Variants in GTPBP4 observed in about 807,000 individuals in gnomAD.
The protein encoded by GTPBP4 is GTP binding protein 4, also known as GTP-binding protein 4.
In GTPBP4, 15 loss-of-function variants were observed where a neutral mutation model predicts 81.7. The observed-to-expected ratio is 0.18, with a 90% CI of 0.12 to 0.28. The LOEUF (loss-of-function observed/expected upper bound fraction) is 0.28. Ranked by LOEUF, GTPBP4 falls within the 10% of genes least tolerant of loss-of-function variation. The pLI is 1.00. For missense variants in GTPBP4, 847 were observed against 793.8 expected (o/e 1.07, Z -0.81); for synonymous variants, 272 against 274.6 (o/e 0.99, Z 0.09).
intron 6 of GTPBP4, among the ~76,000 whole-genome samples, chr10:1,000,222 T>A (rs1380593422): frequency 6.7e-6 from 1 of 148,478 alleles, no homozygotes; most frequent in East Asian, 2.0e-4. Flanking sequence ...TGGTATTCAG[T>A]TTGGGAGACC....
In GTPBP4 at chr10:1,019,241, G is replaced by T; in HGVS notation, c.*2014G>T. 1 of 351,222 alleles carries T rather than the reference G, an allele frequency of 2.8e-6. No homozygotes were observed. Among genetic ancestry groups the T allele is most frequent in the Non-Finnish European group, 5.3e-6 (1 of 189,662 alleles). 21.8% of individuals were successfully genotyped at this position (351,222 alleles called of 1,614,324 possible). A position where few individuals can be genotyped will look rare whatever the true frequency, so the allele number is the denominator to read the frequency against. ...CTCCCCAAGACTTTCAGGATCAGCT[G>T]CTGTTAATCAAACAAGTGCTTATAA... On this transcript the variant is annotated 3_prime_UTR_variant, in exon 17 of 17. Transcript: ENST00000360803.
At chr10:999,124 T>C in intron 6 of GTPBP4, 29 bp downstream of exon 6, 1 of 1,246,794 alleles carries the variant, frequency 8.0e-7, no homozygotes, top group East Asian at 2.3e-5. Context: ...TTTTTATTCA[T>C]TTATTTATTT....
intron 2 of GTPBP4, among the ~76,000 whole-genome samples, chr10:995,354 A>G (rs1831520241): frequency 6.6e-6 from 1 of 151,972 alleles, no homozygotes; most frequent in South Asian, 2.1e-4. Context: ...GCAGCGTTTC[A>G]AGAGGTCTGT....
rs1454280459 is a variant in GTPBP4 at position 1,019,559 on chromosome 10, G to A, written c.*2332G>A. 6.8e-6 allele frequency: 11 copies of A among 1,613,580 alleles called. No individual in the cohort carries two copies. The highest frequency in any genetic ancestry group is 6.7e-5 in the Admixed American group (4 of 59,962). ...TGTGAAGCTCCACAAACGGGGTCAC[G>A]TCATCCAGGTGAGGCCACCACCGGT... On this transcript the variant is annotated 3_prime_UTR_variant, in exon 17 of 17. Transcript: ENST00000360803.
chr10:1,007,105 A>G lies in GTPBP4; in HGVS notation c.1090A>G (p.Ile364Val), dbSNP rs768858606. ...GGTGCTGAATAGACTGCACCTGGCT[A>G]TCCCAACCAGGAGGGACGATAAGGT... Reference protein sequence around the residue: ...NEVLNRLHLAIPTRRDDKERP... With the variant: ...NEVLNRLHLAVPTRRDDKERP... Residue 364 changes from isoleucine (I) to valine (V), a missense_variant, in exon 10 of 17, where the codon ATC (isoleucine) becomes GTC (valine). Around this residue, in one of 3 missense-constraint regions of GTPBP4, gnomAD observed 600 missense variants for 557.1 expected, o/e 1.08. Transcript: ENST00000360803. The G allele has an allele frequency of 9.4e-6, 15 of 1,602,236 alleles. No homozygotes were observed. Among genetic ancestry groups the G allele is most frequent in the South Asian group, 5.5e-5 (5 of 90,846 alleles).
chr10:988,672 C>A, intron 1 of GTPBP4, 145 bp downstream of exon 1: 1 of 643,740 alleles, frequency 1.6e-6, no homozygotes. Context: ...TGGCCGCGTA[C>A]TCGGGATCAT....
chr10:1,009,480 G>T (rs960167337), intron 11 of GTPBP4, 49 bp from the exon 12 acceptor site: 1 of 1,264,754 alleles, frequency 7.9e-7, no homozygotes, highest in Admixed American at 1.7e-5. Context: ...AGCATTTCTG[G>T]ATCTGAAAGG....
intron 1 of GTPBP4, among the ~76,000 whole-genome samples, chr10:992,150 C>T (rs1831455968): frequency 1.3e-5 from 2 of 151,032 alleles, no homozygotes; most frequent in Non-Finnish European, 3.0e-5. Flanking sequence ...CCTGTAATCC[C>T]AGCACTTTGG....
chr10:1,015,386 G>A (rs1345155550), intron 15 of GTPBP4, among the ~76,000 whole-genome samples: 1 of 137,784 alleles, frequency 7.3e-6, no homozygotes, highest in East Asian at 2.1e-4. Context: ...TGAGCTCTGA[G>A]CCTGGGAGTG....
intron 11 of GTPBP4, 32 bp from the exon 12 acceptor site, chr10:1,009,497 G>T: frequency 1.3e-6 from 2 of 1,498,848 alleles, no homozygotes; most frequent in Non-Finnish European, 1.9e-6. Context: ...AAGGCAAAAT[G>T]AAGCTGATGA....
chr10:1,001,078 C>A, intron 8 of GTPBP4, 65 bp downstream of exon 8: 1 of 1,133,692 alleles, frequency 8.8e-7, no homozygotes, highest in Non-Finnish European at 1.3e-6. Context: ...CTCAGACAAC[C>A]AAAGTTTAGA....
chr10:990,587 G>C (rs972595959), intron 1 of GTPBP4, among the ~76,000 whole-genome samples: 1 of 151,552 alleles, frequency 6.6e-6, no homozygotes, highest in African/African-American at 2.4e-5. Context: ...GCCAGGCGTG[G>C]TGGCGGGCGC....
chr10:1,007,006 T>C lies in GTPBP4; in HGVS notation c.1003-12T>C. ...TGCGTTTGTGACTGTGCCTTCTTTT[T>C]TACGTTATTAGGCTTGCGATAGGCT... is the stretch of plus-strand genomic sequence containing the variant. On this transcript the variant is annotated splice_polypyrimidine_tract_variant and intron_variant, in intron 9 of 16. Coordinates refer to ENST00000360803, the MANE Select transcript of GTPBP4 (RefSeq NM_012341.3). 6.4e-7 allele frequency: 1 copy of C among 1,567,600 alleles called. No homozygotes were observed. The highest frequency in any genetic ancestry group is 8.8e-7 in the Non-Finnish European group (1 of 1,137,598).
chr10:997,591 C>T lies in GTPBP4; in HGVS notation c.561+283C>T, dbSNP rs565512703. ...TACATTTATATTACTATTACAGAAG[C>T]CATTACTTTTTGTTCTTGTGTGTGT... On this transcript the variant is annotated intron_variant, in intron 5 of 16. Transcript: ENST00000360803. Among the ~76,000 whole-genome samples, 6 of 152,362 alleles carry T rather than the reference C, an allele frequency of 3.9e-5. No individual in the cohort carries two copies. In the South Asian group the frequency reaches 6.2e-4, roughly 16 times the overall value.
At chr10:994,965 G>A (rs1831512807) in intron 2 of GTPBP4, among the ~76,000 whole-genome samples, 1 of 152,166 alleles carries the variant, frequency 6.6e-6, no homozygotes, top group African/African-American at 2.4e-5. Context: ...GGAGTAGGGA[G>A]TATCTGTGCG....
Position 1,019,721 on chromosome 10 carries a change from A to G in GTPBP4, c.*2494A>G, listed in dbSNP as rs1286862183. 2.5e-6 allele frequency: 4 copies of G among 1,613,810 alleles called. No homozygotes were observed. Among genetic ancestry groups the G allele is most frequent in the Non-Finnish European group, 3.4e-6 (4 of 1,180,020 alleles). On this transcript the variant is annotated 3_prime_UTR_variant, in exon 17 of 17. Transcript: ENST00000360803. ...TCGTTTCACTGGGATCCGGGTTCAG[A>G]GTGACGTTTTTCCTCACAAGCAGAA... is the stretch of plus-strand genomic sequence containing the variant.
intron 2 of GTPBP4, among the ~76,000 whole-genome samples, chr10:993,618 A>G (rs774423483): frequency 1.1e-4 from 16 of 152,010 alleles, no homozygotes; most frequent in Non-Finnish European, 2.4e-4. Flanking sequence ...TTATGACACC[A>G]TGTGTGGGGT....
rs143072150 is a variant in GTPBP4, at chr10:991,545, G to C, written c.49-944G>C. On this transcript the variant is annotated intron_variant, in intron 1 of 16. Coordinates refer to ENST00000360803, the MANE Select transcript of GTPBP4 (RefSeq NM_012341.3). Reference sequence around the variant, plus strand: ...TATTTTATGTACTTTCAAAGTCAAGGGTATGCATAAACAAATGGGAGGATT... The same window carrying C: ...TATTTTATGTACTTTCAAAGTCAAGCGTATGCATAAACAAATGGGAGGATT... Among the ~76,000 whole-genome samples, 5 of 152,054 alleles carry C rather than the reference G, an allele frequency of 3.3e-5. No homozygotes were observed. The East Asian group carries it at 9.6e-4, about 29-fold the overall frequency.
intron 9 of GTPBP4, among the ~76,000 whole-genome samples, chr10:1,006,736 G>A (rs928153980): frequency 1.3e-5 from 2 of 152,232 alleles, no homozygotes; most frequent in East Asian, 1.9e-4. Context: ...TTGTTGCTCG[G>A]TTAGAGTCCT....
Sources: allele counts gnomAD v4.1 joint callset (sites outside exome capture counted in the v4.1 genomes callset), GRCh38; gene constraint gnomAD v4.1.1; regional missense constraint gnomAD v4.1.1; transcripts MANE v1.5; gene names NCBI Gene and HGNC (gene_info 2026-07-23, HGNC 2026-07-21).